The following CKB variants were observed in gnomAD, a reference collection of about 807,000 sequenced individuals.
The protein encoded by CKB is creatine kinase B, also known as creatine kinase B-type.
Under a neutral mutation model 36.9 loss-of-function variants are expected in CKB, and 15 were observed. That is an observed-to-expected ratio of 0.41 (90% CI 0.27 to 0.63). The LOEUF (loss-of-function observed/expected upper bound fraction) is 0.63, where lower values mean the gene tolerates loss of function less well. CKB is among the 20% of genes least tolerant of loss of function. CKB has a pLI of 0.34. For missense variants in CKB, 413 were observed against 534.9 expected (o/e 0.77, Z 2.25); for synonymous variants, 250 against 228.2 (o/e 1.10, Z -0.86).
In CKB at chr14:103,519,815, G is replaced by C. The variant is rs769588463; in HGVS notation, c.*49C>G. On this transcript the variant is annotated 3_prime_UTR_variant, in exon 8 of 8. Transcript: ENST00000348956. ...AGGGGTGCATGGTGGGCACTGCCCA[G>C]GCAATAAGTTAGGAAGCAGCAGGGC... is the stretch of plus-strand genomic sequence containing the variant. 3 of 1,556,318 alleles carry C rather than the reference G, an allele frequency of 1.9e-6. No individual in the cohort carries two copies. The highest frequency in any genetic ancestry group is 1.7e-6 in the Non-Finnish European group (2 of 1,155,848).
At position 103,522,270 on chromosome 14, in the gene CKB, G is replaced by GC. The variant is rs1566963136; in HGVS notation, c.193+30dup. ...CTGCGGCTGCGCGGGGGGAGGGGGG[G>GC]CCGGGACCCCGGCCCCGAGGGGTCG... On this transcript the variant is annotated intron_variant, in intron 2 of 7. Transcript: ENST00000348956. The surrounding 1 kb of genome is among the most constrained non-coding windows in gnomAD (Gnocchi z 6.7). 6.4e-7 allele frequency: 1 copy of GC among 1,566,450 alleles called. No individual in the cohort carries two copies. Among genetic ancestry groups the GC allele is most frequent in the Non-Finnish European group, 8.6e-7 (1 of 1,158,020 alleles).
Position 103,522,234 on chromosome 14 carries a change from T to C in CKB, c.194-57A>G. On this transcript the variant is annotated intron_variant, in intron 2 of 7. Transcript: ENST00000348956. This position sits in a 1 kb window ranked among gnomAD's most constrained non-coding sequence, Gnocchi z 6.7. ...ACGTCACTGCCGGGCCCGAGCGCGCTGCTGAGGACCCTGCGGCTGCGCGGG... is the reference window on the plus strand; with the variant it reads ...ACGTCACTGCCGGGCCCGAGCGCGCCGCTGAGGACCCTGCGGCTGCGCGGG... 4 of 1,523,828 alleles carry C rather than the reference T, an allele frequency of 2.6e-6. No homozygotes were observed. In the Admixed American group the frequency reaches 5.6e-5, roughly 21 times the overall value. The allele number at this position is 1,523,828 out of a possible 1,614,324, so 94.4% of individuals were successfully genotyped here. A position where few individuals can be genotyped will look rare whatever the true frequency, so the allele number is the denominator to read the frequency against.
At position 103,522,585 on chromosome 14, in the gene CKB, C is replaced by CGGG; in HGVS notation, c.-12-83_-12-81dup. 1 of 932,600 alleles carries CGGG rather than the reference C, an allele frequency of 1.1e-6. No individual in the cohort carries two copies. The highest frequency in any genetic ancestry group is 1.4e-6 in the Non-Finnish European group (1 of 697,864). 57.8% of individuals were successfully genotyped at this position (932,600 alleles called of 1,614,324 possible). ...CGCGTACCACTCAGGCCCCCGCCGC[C>CGGG]GGGCCCCCCGGCGCCCCCCGGGACG... On this transcript the variant is annotated intron_variant, in intron 1 of 7. Coordinates refer to ENST00000348956, the MANE Select transcript of CKB (RefSeq NM_001823.5). The surrounding 1 kb of genome is among the most constrained non-coding windows in gnomAD (Gnocchi z 6.7).
At position 103,522,565 on chromosome 14, in the gene CKB, A is replaced by C; in HGVS notation, c.-12-60T>G. Reference sequence around the variant, plus strand: ...CGCCGGGGTTCCCGGGCTCCCGCGTACCACTCAGGCCCCCGCCGCCGGGCC... The same window carrying C: ...CGCCGGGGTTCCCGGGCTCCCGCGTCCCACTCAGGCCCCCGCCGCCGGGCC... On this transcript the variant is annotated intron_variant, in intron 1 of 7. Coordinates refer to ENST00000348956, the MANE Select transcript of CKB (RefSeq NM_001823.5). The surrounding 1 kb of genome is among the most constrained non-coding windows in gnomAD (Gnocchi z 6.7). 1.4e-4 allele frequency: 85 copies of C among 622,210 alleles called. No individual in the cohort carries two copies. The highest frequency in any genetic ancestry group is 7.2e-4 in the East Asian group (8 of 11,110). The allele number at this position is 622,210 out of a possible 1,614,324, so 38.5% of individuals were successfully genotyped here. A position where few individuals can be genotyped will look rare whatever the true frequency, so the allele number is the denominator to read the frequency against.
Position 103,522,176 on chromosome 14 carries a change from G to A in CKB, c.195C>T (p.Gly65=). The A allele has an allele frequency of 6.2e-7, 1 of 1,603,294 alleles. No individual in the cohort carries two copies. The highest frequency in any genetic ancestry group is 8.5e-7 in the Non-Finnish European group (1 of 1,175,660). The change falls in exon 3 of 8, where the codon GGC becomes GGT. Residue 65 remains glycine, a splice_region_variant and synonymous_variant. Transcript: ENST00000348956. This position sits in a 1 kb window ranked among gnomAD's most constrained non-coding sequence, Gnocchi z 6.7. ...DVIQTGVDNP[G]HPYIMTVGCV... is the part of the protein sequence containing the mutation. ...AGCCCACGGTCATGATGTACGGGTG[G>A]CCTGGGGGAGGGGGCGCGGGACGGG... is the stretch of plus-strand genomic sequence containing the variant.
chr14:103,520,287 C>G lies in CKB; in HGVS notation c.802G>C (p.Asp268His), dbSNP rs770230629. The G allele has an allele frequency of 1.6e-5, 25 of 1,610,928 alleles. No individual in the cohort carries two copies. The highest frequency in any genetic ancestry group is 2.0e-5 in the Non-Finnish European group (24 of 1,178,650). ...TGAGGGTTCCACATGAACTCATAGT[C>G]CTTAGACTTGAAGAGAGTTTCAATC... Reference protein sequence around the residue: ...TQIETLFKSKDYEFMWNPHLG... With the variant: ...TQIETLFKSKHYEFMWNPHLG... The change falls in exon 7 of 8, where the codon GAC becomes CAC. Residue 268 changes from aspartate (D) to histidine (H), a missense_variant. Around this residue, in one of 3 missense-constraint regions of CKB, gnomAD observed 314 missense variants for 409.4 expected, o/e 0.77. Transcript: ENST00000348956.
chr14:103,520,943 A>AT, intron 5 of CKB: 1 of 532,332 alleles, frequency 1.9e-6, no homozygotes, highest in South Asian at 2.1e-5. Context: ...AAAAGAAAAC[A>AT]AAGAGCTCCA....
Position 103,519,919 on chromosome 14 carries a change from T to G in CKB, c.1091A>C (p.Glu364Ala). 2 of 1,609,270 alleles carry G rather than the reference T, an allele frequency of 1.2e-6. No individual in the cohort carries two copies. The highest frequency in any genetic ancestry group is 1.7e-6 in the Non-Finnish European group (2 of 1,179,922). The change falls in exon 8 of 8, where the codon GAG (glutamate) becomes GCG (alanine). Residue 364 changes from glutamate (E) to alanine (A), a missense_variant. Glu to Ala is a moderately radical substitution (Grantham distance 107, BLOSUM62 -1). Transcript: ENST00000348956. Reference sequence around the variant, plus strand: ...GGCCTGGCCCTGCTCCAGCCGCTGCTCCATCTCGATGAGCAGCTTCACTCC... The same window carrying G: ...GGCCTGGCCCTGCTCCAGCCGCTGCGCCATCTCGATGAGCAGCTTCACTCC... Reference protein sequence around the residue: ...VDGVKLLIEMEQRLEQGQAID... With the variant: ...VDGVKLLIEMAQRLEQGQAID...
chr14:103,520,074 CAG>C (rs2075889400), intron 7 of CKB, 32 bp from the exon 8 acceptor site: 3 of 1,606,116 alleles, frequency 1.9e-6, no homozygotes, highest in South Asian at 2.2e-5. Flanking sequence ...GCGGAGGAAA[CAG>C]GGCTGCCCAA....
Position 103,520,020 on chromosome 14 carries a change from C to T in CKB, c.990G>A (p.Val330=). The change falls in exon 8 of 8, where the codon GTG becomes GTA. Residue 330 remains valine, a synonymous_variant. Transcript: ENST00000348956. ...RGTGGVDTAA[V]GGVFDVSNAD... is the part of the protein sequence containing the mutation. ...CGTTGGAGACGTCGAAGACCCCGCC[C>T]ACCGCAGCCGTGTCCACACCGCCTG... is the stretch of plus-strand genomic sequence containing the variant. 2.5e-6 allele frequency: 4 copies of T among 1,610,388 alleles called. No individual in the cohort carries two copies. The highest frequency in any genetic ancestry group is 2.2e-5 in the East Asian group (1 of 44,866).
At chr14:103,520,386 G>A (rs1341090919) in intron 6 of CKB, 75 bp from the exon 7 acceptor site, 40 of 1,585,278 alleles carry the variant, frequency 2.5e-5, no homozygotes, top group Admixed American at 5.2e-5. Context: ...CCCCAGTGCC[G>A]GAAATCCCCC....
intron 7 of CKB, 30 bp downstream of exon 7, chr14:103,520,092 A>AC (rs1204103855): frequency 9.4e-6 from 15 of 1,603,574 alleles, no homozygotes; most frequent in Non-Finnish European, 1.1e-5. Context: ...CCCAAAGGCC[A>AC]CGGGAAGCCG....
At position 103,522,402 on chromosome 14, in the gene CKB, G is replaced by T; in HGVS notation, c.92C>A (p.Ala31Asp). ...PDLSAHNNHM[A>D]KVLTPELYAE... is the part of the protein sequence containing the mutation. ...GTACAGCTCGGGGGTCAGCACCTTG[G>T]CCATGTGGTTGTTGTGGGCGCTCAG... The change falls in exon 2 of 8, where the codon GCC becomes GAC. Residue 31 changes from alanine to aspartate, a missense_variant. Physicochemically the swap from Ala to Asp is moderately radical, Grantham distance 126. Coordinates refer to ENST00000348956, the MANE Select transcript of CKB (RefSeq NM_001823.5). This position sits in a 1 kb window ranked among gnomAD's most constrained non-coding sequence, Gnocchi z 6.7. 1 of 1,610,440 alleles carries T rather than the reference G, an allele frequency of 6.2e-7. No individual in the cohort carries two copies.
At chr14:103,520,708 C>T in intron 5 of CKB, 116 bp from the exon 6 acceptor site, 3 of 1,399,656 alleles carry the variant, frequency 2.1e-6, no homozygotes, top group Non-Finnish European at 2.8e-6. Context: ...GGAGTGGAGG[C>T]TGCTGCCAAG....
rs773809980 is a variant in CKB, at chr14:103,522,198, C to G, written c.194-21G>C. 9 of 1,577,658 alleles carry G rather than the reference C, an allele frequency of 5.7e-6. No individual in the cohort carries two copies. The African/African-American group carries it at 6.9e-5, about 12-fold the overall frequency. On this transcript the variant is annotated intron_variant, in intron 2 of 7. Transcript: ENST00000348956. The surrounding 1 kb of genome is among the most constrained non-coding windows in gnomAD (Gnocchi z 6.7). Reference sequence around the variant, plus strand: ...GTGGCCTGGGGGAGGGGGCGCGGGACGGGGACAGTGACGTCACTGCCGGGC... The same window carrying G: ...GTGGCCTGGGGGAGGGGGCGCGGGAGGGGGACAGTGACGTCACTGCCGGGC...
Position 103,520,330 on chromosome 14 carries a change from G to T in CKB, c.778-19C>A, listed in dbSNP as rs763737882. On this transcript the variant is annotated intron_variant, in intron 6 of 7. Coordinates refer to ENST00000348956, the MANE Select transcript of CKB (RefSeq NM_001823.5). ...TTTCAATCTGCAGACGGAGAAGAGG[G>T]TATGAGGGAGAAGGCCTGCCTGAAA... 1.9e-6 allele frequency: 3 copies of T among 1,596,158 alleles called. No individual in the cohort carries two copies. In the African/African-American group the frequency reaches 4.0e-5, roughly 21 times the overall value.
Position 103,520,327 on chromosome 14 carries a change from AG to A in CKB, c.778-17del, listed in dbSNP as rs1277884094. The A allele has an allele frequency of 1.9e-6, 3 of 1,594,878 alleles. No homozygotes were observed. The Admixed American group carries it at 5.1e-5, about 27-fold the overall frequency. ...GAGTTTCAATCTGCAGACGGAGAAGAGGGTATGAGGGAGAAGGCCTGCCTGA... is the reference window on the plus strand; with the variant it reads ...GAGTTTCAATCTGCAGACGGAGAAGAGGTATGAGGGAGAAGGCCTGCCTGA... On this transcript the variant is annotated splice_polypyrimidine_tract_variant and intron_variant, in intron 6 of 7. Transcript: ENST00000348956.
Position 103,522,574 on chromosome 14 carries a change from G to GC in CKB, c.-12-70dup. ...TCCCGGGCTCCCGCGTACCACTCAG[G>GC]CCCCCGCCGCCGGGCCCCCCGGCGC... On this transcript the variant is annotated intron_variant, in intron 1 of 7. Coordinates refer to ENST00000348956, the MANE Select transcript of CKB (RefSeq NM_001823.5). This position sits in a 1 kb window ranked among gnomAD's most constrained non-coding sequence, Gnocchi z 6.7. 2.8e-6 allele frequency: 1 copy of GC among 357,764 alleles called. No individual in the cohort carries two copies. The highest frequency in any genetic ancestry group is 4.5e-6 in the Non-Finnish European group (1 of 222,244). The allele number at this position is 357,764 out of a possible 1,614,324, so 22.2% of individuals were successfully genotyped here. A position where few individuals can be genotyped will look rare whatever the true frequency, so the allele number is the denominator to read the frequency against.
At position 103,519,780 on chromosome 14, in the gene CKB, G is replaced by A. The variant is rs2075885951; in HGVS notation, c.*84C>T. 2.0e-6 allele frequency: 3 copies of A among 1,469,466 alleles called. No individual in the cohort carries two copies. The highest frequency in any genetic ancestry group is 2.3e-5 in the East Asian group (1 of 43,816). 91.0% of individuals were successfully genotyped at this position (1,469,466 alleles called of 1,614,324 possible). A position where few individuals can be genotyped will look rare whatever the true frequency, so the allele number is the denominator to read the frequency against. ...CAGCAAGGCTAAGGGCTCGCCAGAC[G>A]GCGAACATCAGGGGTGCATGGTGGG... On this transcript the variant is annotated 3_prime_UTR_variant, in exon 8 of 8. Coordinates refer to ENST00000348956, the MANE Select transcript of CKB (RefSeq NM_001823.5).
Sources: gnomAD v4.1 joint callset for allele counts on GRCh38, gnomAD v4.1.1 for gene constraint, gnomAD v4.1.1 regional missense constraint, Gnocchi (gnomAD v3.1) non-coding constraint, MANE v1.5 for transcripts, NCBI Gene and HGNC (gene_info 2026-07-23, HGNC 2026-07-21) for gene names.